The following AK4 variants were observed in gnomAD, a reference collection of about 807,000 sequenced individuals.
AK4 encodes adenylate kinase 4, mitochondrial.
Under a neutral mutation model 24.6 loss-of-function variants are expected in AK4, and 13 were observed. The ratio of observed to expected loss-of-function variants is 0.53; its 90% CI spans 0.34 to 0.84. AK4 has a LOEUF of 0.84. Among genes scored for constraint, AK4 ranks in the 40% least tolerant of loss-of-function variants. AK4 has a pLI of 0.01. For missense variants in AK4, 192 were observed against 288.2 expected (o/e 0.67, Z 2.42); for synonymous variants, 88 against 107.0 (o/e 0.82, Z 1.10).
intron 1 of AK4, chr1:65,149,001 C>G (rs1190681297): frequency 6.6e-6 from 1 of 152,468 alleles, no homozygotes; most frequent in African/African-American, 2.4e-5. Flanking sequence ...GGCAGTCGGG[C>G]GGGGCCGCGC....
intron 1 of AK4, among the ~76,000 whole-genome samples, chr1:65,189,109 T>A (rs1227919999): frequency 1.3e-5 from 2 of 151,270 alleles, no homozygotes; most frequent in Non-Finnish European, 2.9e-5. Flanking sequence ...AATTTTTGTA[T>A]TTTTTAGTAG....
At chr1:65,167,197 G>T (rs1650361132) in intron 1 of AK4, among the ~76,000 whole-genome samples, 1 of 152,178 alleles carries the variant, frequency 6.6e-6, no homozygotes, top group South Asian at 2.1e-4. Flanking sequence ...TTTCCTGTAG[G>T]TCTAATCGGA....
intron 1 of AK4, among the ~76,000 whole-genome samples, chr1:65,151,159 T>C (rs1407558295): frequency 6.6e-6 from 1 of 152,110 alleles, no homozygotes; most frequent in Admixed American, 6.6e-5. Context: ...TCACCATCTC[T>C]ACGAAGGTTC....
intron 1 of AK4, among the ~76,000 whole-genome samples, chr1:65,158,719 C>T (rs1650057453): frequency 6.6e-6 from 1 of 152,052 alleles, no homozygotes; most frequent in Admixed American, 6.6e-5. Flanking sequence ...GTTCGCCAGG[C>T]TGGTCTTGAA....
chr1:65,182,696 G>A (rs777513262), intron 1 of AK4, among the ~76,000 whole-genome samples: 7 of 152,088 alleles, frequency 4.6e-5, no homozygotes, highest in African/African-American at 7.2e-5. Context: ...TTTGTCTCCA[G>A]CGTCAAGAAA....
intron 2 of AK4, among the ~76,000 whole-genome samples, chr1:65,207,831 A>C (rs766406745): frequency 1.3e-5 from 2 of 152,118 alleles, no homozygotes; most frequent in Non-Finnish European, 2.9e-5. Context: ...CTCTTAGGCT[A>C]ATGGCCTCCA....
At chr1:65,196,048 T>C (rs1191097941) in intron 2 of AK4, among the ~76,000 whole-genome samples, 1 of 152,174 alleles carries the variant, frequency 6.6e-6, no homozygotes, top group African/African-American at 2.4e-5. Context: ...CTGGTCACTT[T>C]TTCAGTTGCG....
chr1:65,159,922 C>T (rs1233194884), intron 1 of AK4, among the ~76,000 whole-genome samples: 3 of 144,964 alleles, frequency 2.1e-5, no homozygotes, highest in Non-Finnish European at 3.0e-5. Flanking sequence ...GAGCCAAGAT[C>T]GTGCCACTGC....
At chr1:65,206,638 C>T (rs372722788) in intron 2 of AK4, among the ~76,000 whole-genome samples, 17 of 152,264 alleles carry the variant, frequency 1.1e-4, no homozygotes, top group East Asian at 5.8e-4. Context: ...CCAGGTGTGG[C>T]GATGTTTGCT....
At chr1:65,159,002 G>A (rs760603053) in intron 1 of AK4, among the ~76,000 whole-genome samples, 5 of 152,178 alleles carry the variant, frequency 3.3e-5, no homozygotes, top group African/African-American at 9.7e-5. Flanking sequence ...TCACCTCTAA[G>A]TTCTGAGAGT....
At chr1:65,177,526 C>A (rs1317725908) in intron 1 of AK4, among the ~76,000 whole-genome samples, 2 of 152,284 alleles carry the variant, frequency 1.3e-5, no homozygotes, top group East Asian at 3.9e-4. Context: ...CTTGAGGTGA[C>A]TTCCGCGTAC....
At chr1:65,223,311 CT>C (rs1294709383) in intron 3 of AK4, among the ~76,000 whole-genome samples, 2 of 152,068 alleles carry the variant, frequency 1.3e-5, no homozygotes, top group African/African-American at 4.8e-5. Context: ...GCCTCAGACT[CT>C]CGAGTAGTTG....
rs61257497 is a variant in AK4 at position 65,215,144 on chromosome 1, T to TTTTTCTTTTCTTTTC, written c.266-3601_266-3587dup. Among the ~76,000 whole-genome samples the TTTTTCTTTTCTTTTC allele has an allele frequency of 9.3e-4, 140 of 150,074 alleles. 1 individual carries two copies. The highest frequency in any genetic ancestry group is 3.1e-3 in the African/African-American group (123 of 39,898). ...TCTGAGCATCCATCATCATTGATTT[T>TTTTTCTTTTCTTTTC]TTTTCTTTTCTTTTCTTTTCTTTCT... On this transcript the variant is annotated intron_variant, in intron 2 of 4. Coordinates refer to ENST00000327299, the MANE Select transcript of AK4 (RefSeq NM_013410.4).
chr1:65,224,959 T>G, intron 4 of AK4, 89 bp downstream of exon 4: 1 of 1,001,552 alleles, frequency 1.0e-6, no homozygotes, highest in South Asian at 1.4e-5. Context: ...GGCAGAGTAG[T>G]GTTTCTTTAA....
chr1:65,155,101 C>T (rs964263658), intron 1 of AK4, among the ~76,000 whole-genome samples: 37 of 151,736 alleles, frequency 2.4e-4, no homozygotes, highest in African/African-American at 8.2e-4. Flanking sequence ...CCACCTGCCT[C>T]GGCCTCCCAA....
intron 1 of AK4, among the ~76,000 whole-genome samples, chr1:65,180,624 G>A (rs1001612018): frequency 1.3e-5 from 2 of 152,144 alleles, no homozygotes; most frequent in Admixed American, 1.3e-4. Context: ...TCAGCAGAGT[G>A]ATATTAGGGA....
At chr1:65,218,245 G>A (rs1354196851) in intron 2 of AK4, among the ~76,000 whole-genome samples, 1 of 151,216 alleles carries the variant, frequency 6.6e-6, no homozygotes, top group Non-Finnish European at 1.5e-5. Flanking sequence ...AATGGCTAGT[G>A]TTAAAATGAT....
chr1:65,196,290 A>C (rs985356025), intron 2 of AK4, among the ~76,000 whole-genome samples: 2 of 152,056 alleles, frequency 1.3e-5, no homozygotes, highest in Admixed American at 1.3e-4. Context: ...GCATCCTGCA[A>C]ATGGTGGGTG....
Position 65,224,845 on chromosome 1 carries a change from G to T in AK4, c.532G>T (p.Ala178Ser). 2.5e-6 allele frequency: 4 copies of T among 1,613,606 alleles called. No homozygotes were observed. Among genetic ancestry groups the T allele is most frequent in the Non-Finnish European group, 3.4e-6 (4 of 1,179,588 alleles). Residue 178 changes from alanine (A) to serine (S), a missense_variant, in exon 4 of 5, where the codon GCA (alanine) becomes TCA (serine). By Grantham distance (99) the Ala-to-Ser change is moderately conservative. Transcript: ENST00000327299. ...CAGGCTAAGACAGTACAAAGACGTG[G>T]CAAAGCCAGTCATTGAATTATACAA... ...AARLRQYKDV[A>S]KPVIELYKSR... is the part of the protein sequence containing the mutation.
Sources: allele counts gnomAD v4.1 joint callset (sites outside exome capture counted in the v4.1 genomes callset), GRCh38; gene constraint gnomAD v4.1.1; transcripts MANE v1.5; gene names NCBI Gene and HGNC (gene_info 2026-07-23, HGNC 2026-07-21).